The following VWC2L variants were observed in gnomAD, a reference collection of about 807,000 sequenced individuals.
The protein encoded by VWC2L is von Willebrand factor C domain-containing protein 2-like.
Under a neutral mutation model 21.6 loss-of-function variants are expected in VWC2L, and 10 were observed. That is an observed-to-expected ratio of 0.46 (90% CI 0.29 to 0.78). The LOEUF (loss-of-function observed/expected upper bound fraction) is 0.78. Among genes scored for constraint, VWC2L ranks in the 30% least tolerant of loss-of-function variants. The pLI is 0.10. For missense variants in VWC2L, 209 were observed against 277.1 expected, an observed-to-expected ratio of 0.75 and a Z score of 1.74; for synonymous variants, 96 against 94.3, an observed-to-expected ratio of 1.02 and a Z score of -0.10.
chr2:214,506,037 G>A (rs2105903338), intron 3 of VWC2L, among the ~76,000 whole-genome samples: 1 of 152,272 alleles, frequency 6.6e-6, no homozygotes, highest in African/African-American at 2.4e-5. Context: ...GTATGAAAAT[G>A]TTATACGTAT....
chr2:214,558,092 C>G lies in VWC2L; in HGVS notation c.521-17580C>G, dbSNP rs539669412. Among the ~76,000 whole-genome samples, 16 of 152,326 alleles carry G rather than the reference C, an allele frequency of 1.1e-4. No individual in the cohort carries two copies. In the East Asian group the frequency reaches 2.7e-3, roughly 26 times the overall value. On this transcript the variant is annotated intron_variant, in intron 3 of 3. Coordinates refer to ENST00000312504, the MANE Select transcript of VWC2L (RefSeq NM_001080500.4). ...AGCTTGTCTCTGCCTTATCTCCACG[C>G]CCATCTCAGCTGCACTTGACACTGC...
chr2:214,517,215 T>C (rs1337308308), intron 3 of VWC2L, among the ~76,000 whole-genome samples: 1 of 152,246 alleles, frequency 6.6e-6, no homozygotes, highest in Non-Finnish European at 1.5e-5. Context: ...CTTTCTTCAC[T>C]TGGCTTTCAG....
chr2:214,571,520 G>C (rs1231908628), intron 3 of VWC2L, among the ~76,000 whole-genome samples: 1 of 152,142 alleles, frequency 6.6e-6, no homozygotes, highest in African/African-American at 2.4e-5. Flanking sequence ...TATAAAGCCT[G>C]ATTCCTAAGT....
intron 3 of VWC2L, among the ~76,000 whole-genome samples, chr2:214,484,878 A>G (rs1275705191): frequency 1.3e-5 from 2 of 152,140 alleles, no homozygotes; most frequent in Non-Finnish European, 2.9e-5. Context: ...ATTCCATACC[A>G]ATGAGCTTTT....
intron 3 of VWC2L, among the ~76,000 whole-genome samples, chr2:214,555,747 A>T (rs1464373069): frequency 6.6e-6 from 1 of 151,880 alleles, no homozygotes; most frequent in Non-Finnish European, 1.5e-5. Context: ...AGATTTCTAA[A>T]CTCCCTGGAG....
At chr2:214,537,901 CTTTT>C (rs35664504) in intron 3 of VWC2L, among the ~76,000 whole-genome samples, 8 of 135,644 alleles carry the variant, frequency 5.9e-5, no homozygotes, top group African/African-American at 1.3e-4. Context: ...GGATAGTGGC[CTTTT>C]TTTTTTTTTT....
intron 3 of VWC2L, among the ~76,000 whole-genome samples, chr2:214,527,622 G>A (rs1445515486): frequency 1.3e-5 from 2 of 152,034 alleles, no homozygotes; most frequent in South Asian, 2.1e-4. Flanking sequence ...CCCTCACATC[G>A]TACTTAGCCT....
chr2:214,524,283 G>A (rs1464829356), intron 3 of VWC2L, among the ~76,000 whole-genome samples: 1 of 152,142 alleles, frequency 6.6e-6, no homozygotes, highest in Non-Finnish European at 1.5e-5. Flanking sequence ...TTGTTAAACA[G>A]TACAAGTTCA....
At chr2:214,455,757 G>A (rs1227799170) in intron 3 of VWC2L, among the ~76,000 whole-genome samples, 2 of 152,076 alleles carry the variant, frequency 1.3e-5, no homozygotes, top group Admixed American at 1.3e-4. Flanking sequence ...AGCTCCATTA[G>A]ATTAACTTTC....
At chr2:214,479,083 C>T (rs1559303045) in intron 3 of VWC2L, among the ~76,000 whole-genome samples, 3 of 152,098 alleles carry the variant, frequency 2.0e-5, no homozygotes, top group East Asian at 3.9e-4. Context: ...ACATTCTGAC[C>T]CCCTCTAATA....
chr2:214,458,948 G>A (rs77631338), intron 3 of VWC2L, among the ~76,000 whole-genome samples: 7,693 of 152,184 alleles, frequency 0.051, 603 homozygotes, highest in African/African-American at 0.17. Flanking sequence ...GGTCTAATGC[G>A]CAGTTTATAT....
At chr2:214,420,433 C>G (rs906965644) in intron 2 of VWC2L, among the ~76,000 whole-genome samples, 1 of 152,120 alleles carries the variant, frequency 6.6e-6, no homozygotes, top group African/African-American at 2.4e-5. Context: ...AGGGGACTAA[C>G]AGGTAGGTAA....
At chr2:214,443,804 A>G (rs1278049819) in intron 3 of VWC2L, among the ~76,000 whole-genome samples, 2 of 152,192 alleles carry the variant, frequency 1.3e-5, no homozygotes, top group African/African-American at 2.4e-5. Context: ...TTTCAGATAC[A>G]TAGATAGATG....
chr2:214,481,541 C>A (rs952655339), intron 3 of VWC2L, among the ~76,000 whole-genome samples: 2 of 152,150 alleles, frequency 1.3e-5, no homozygotes, highest in Non-Finnish European at 2.9e-5. Context: ...AGTCAACCCC[C>A]AGAACTATGA....
At chr2:214,477,444 C>T (rs1170357271) in intron 3 of VWC2L, among the ~76,000 whole-genome samples, 1 of 151,256 alleles carries the variant, frequency 6.6e-6, no homozygotes, top group Admixed American at 6.6e-5. Context: ...ATTTACAACC[C>T]CCTCCTGATT....
chr2:214,555,559 TTAAC>T (rs1323766105), intron 3 of VWC2L, among the ~76,000 whole-genome samples: 5 of 152,240 alleles, frequency 3.3e-5, no homozygotes, highest in African/African-American at 1.2e-4. Flanking sequence ...AAATGAATAA[TTAAC>T]TATTCTTAAT....
At chr2:214,454,897 C>T (rs989893871) in intron 3 of VWC2L, among the ~76,000 whole-genome samples, 1 of 152,024 alleles carries the variant, frequency 6.6e-6, no homozygotes, top group Non-Finnish European at 1.5e-5. Context: ...CCACCGTACC[C>T]GGGCTAAGTC....
Position 214,479,579 on chromosome 2 carries a change from C to T in VWC2L, c.520+42821C>T, listed in dbSNP as rs1421806086. 5.9e-5 allele frequency among the ~76,000 whole-genome samples: 9 copies of T among 152,186 alleles called. No homozygotes were observed. The South Asian group carries it at 1.5e-3, about 25-fold the overall frequency. ...CAGCAGTTTGGGAGGCTGAGGCAGG[C>T]GGATCACCTGAGGTCAAGCGTTCAA... On this transcript the variant is annotated intron_variant, in intron 3 of 3. Coordinates refer to ENST00000312504, the MANE Select transcript of VWC2L (RefSeq NM_001080500.4).
chr2:214,541,550 T>TG (rs1689627504), intron 3 of VWC2L, among the ~76,000 whole-genome samples: 1 of 152,190 alleles, frequency 6.6e-6, no homozygotes, highest in Non-Finnish European at 1.5e-5. Flanking sequence ...GTTTGGGTAG[T>TG]GCATGGATGA....
Sources: allele counts gnomAD v4.1 joint callset (sites outside exome capture counted in the v4.1 genomes callset), GRCh38; gene constraint gnomAD v4.1.1; transcripts MANE v1.5; gene names NCBI Gene and HGNC (gene_info 2026-07-23, HGNC 2026-07-21).